Variants in ESR1 observed in about 807,000 individuals in gnomAD.
The protein encoded by ESR1 is estrogen receptor.
Under a neutral mutation model 52.7 loss-of-function variants are expected in ESR1, and 12 were observed. The ratio of observed to expected loss-of-function variants is 0.23; its 90% CI spans 0.15 to 0.37. The LOEUF is 0.37. Ranked by LOEUF, ESR1 falls within the 10% of genes least tolerant of loss-of-function variation. The probability of loss-of-function intolerance (pLI) is 1.00; values close to 1 mark genes in which losing one functional copy is unlikely to be tolerated. For synonymous variants in ESR1, 305 were observed against 316.8 expected (o/e 0.96, Z 0.39); for missense variants, 584 against 779.7 (o/e 0.75, Z 2.99).
intron 2 of ESR1, among the ~76,000 whole-genome samples, chr6:151,721,929 T>G (rs1781489894): frequency 6.6e-6 from 1 of 152,220 alleles, no homozygotes; most frequent in African/African-American, 2.4e-5. Flanking sequence ...ATGTTTCATT[T>G]TATTTGAAGC....
chr6:152,111,434 T>C (rs899197916), intron 6 of ESR1, among the ~76,000 whole-genome samples: 1 of 152,180 alleles, frequency 6.6e-6, no homozygotes, highest in African/African-American at 2.4e-5. Flanking sequence ...TCCGAGCGAC[T>C]TCCCAGATTC....
At chr6:152,049,364 T>C (rs547152295) in intron 5 of ESR1, among the ~76,000 whole-genome samples, 3 of 152,332 alleles carry the variant, frequency 2.0e-5, no homozygotes, top group Middle Eastern at 6.8e-3. Flanking sequence ...TTAAGAACTC[T>C]TCTGGCTATC....
At chr6:151,802,036 C>A (rs1314973995), upstream of ESR1, among the ~76,000 whole-genome samples, 1 of 152,158 alleles carries the variant, frequency 6.6e-6, no homozygotes, top group African/African-American at 2.4e-5. Context: ...AGGGAAATTT[C>A]TGGGGTGATG....
chr6:151,854,066 G>C (rs1787380837), intron 2 of ESR1, among the ~76,000 whole-genome samples: 2 of 152,148 alleles, frequency 1.3e-5, no homozygotes, highest in Admixed American at 6.6e-5. Flanking sequence ...ACTGTTGTCA[G>C]TAGCTTTATA....
chr6:151,897,460 G>A (rs1394184079), intron 3 of ESR1, among the ~76,000 whole-genome samples: 1 of 152,096 alleles, frequency 6.6e-6, no homozygotes, highest in Non-Finnish European at 1.5e-5. Flanking sequence ...TTTAACTGCT[G>A]TTGTTTTAAA....
intron 1 of ESR1, among the ~76,000 whole-genome samples, chr6:151,816,597 T>C (rs1279849599): frequency 1.3e-5 from 2 of 152,234 alleles, no homozygotes; most frequent in Non-Finnish European, 2.9e-5. Flanking sequence ...TATATTTGTT[T>C]ATTTTGCCTT....
intron 6 of ESR1, among the ~76,000 whole-genome samples, chr6:152,069,514 G>A (rs2048216837): frequency 7.3e-6 from 1 of 136,632 alleles, no homozygotes; most frequent in Non-Finnish European, 1.5e-5. Context: ...AGCTATTGCA[G>A]CGGTCCCCAA....
chr6:152,126,587 C>CA (rs1211232073), exon 7 of ESR1: 5 of 152,048 alleles, frequency 3.3e-5, no homozygotes, highest in Admixed American at 1.3e-4. Flanking sequence ...TTCTGTCCAG[C>CA]AAAAAACGTG....
Position 151,942,883 on chromosome 6 carries a change from A to G in ESR1, c.761-1290A>G, listed in dbSNP as rs141676417. ...ATGCTGTCTGATAAATATTGGAGAG[A>G]TTAACTTCTTTGAAAATATAGAAGC... On this transcript the variant is annotated intron_variant, in intron 3 of 7. Coordinates refer to ENST00000206249, the MANE Select transcript of ESR1 (RefSeq NM_000125.4). 3.3e-3 allele frequency among the ~76,000 whole-genome samples: 508 copies of G among 152,286 alleles called. 2 individuals carry two copies. The highest frequency in any genetic ancestry group is 0.012 in the African/African-American group (486 of 41,566).
At chr6:152,123,648 T>G (rs2813560) in intron 6 of ESR1, among the ~76,000 whole-genome samples, 30,723 of 152,110 alleles carry the variant, frequency 0.2, 3,119 homozygotes, top group Non-Finnish European at 0.21. Context: ...AAATGTTGTT[T>G]ACGACAGGCA....
At chr6:151,716,822 C>T (rs892418995) in intron 2 of ESR1, among the ~76,000 whole-genome samples, 4 of 152,158 alleles carry the variant, frequency 2.6e-5, no homozygotes, top group Admixed American at 2.0e-4. Flanking sequence ...CTTCAGCCCC[C>T]TTTTCTGGGG....
intron 2 of ESR1, among the ~76,000 whole-genome samples, chr6:151,767,030 T>C (rs1583193289): frequency 6.6e-6 from 1 of 152,284 alleles, no homozygotes; most frequent in African/African-American, 2.4e-5. Context: ...GAAATGAAAA[T>C]ATGGTTTCAG....
rs2046867787 is a variant in ESR1 at position 152,053,638 on chromosome 6, C to A, written c.1236-7353C>A. On this transcript the variant is annotated intron_variant, in intron 5 of 7. Transcript: ENST00000206249. The surrounding 1 kb of genome is among the most constrained non-coding windows in gnomAD (Gnocchi z 4.1). ...TCTCTTTCTCTCTCCTTCTTTCTGT[C>A]TCTGTCTCTGTCTGCCTCTCTCTCT... Among the ~76,000 whole-genome samples the A allele has an allele frequency of 6.9e-6, 1 of 144,464 alleles. No individual in the cohort carries two copies. Among genetic ancestry groups the A allele is most frequent in the Non-Finnish European group, 1.5e-5 (1 of 67,484 alleles). The allele number at this position is 144,464 out of a possible 152,430, so 94.8% of individuals were successfully genotyped here.
At chr6:152,064,431 G>A (rs559306754) in intron 6 of ESR1, among the ~76,000 whole-genome samples, 10 of 152,228 alleles carry the variant, frequency 6.6e-5, no homozygotes, top group East Asian at 3.9e-4. Context: ...CACCTTATTC[G>A]GGAAGTTTTG....
chr6:152,055,334 C>T (rs541657466), intron 5 of ESR1, among the ~76,000 whole-genome samples: 1 of 152,248 alleles, frequency 6.6e-6, no homozygotes, highest in East Asian at 1.9e-4. Context: ...TCCTCATGTC[C>T]TCGCCGACAA....
intron 1 of ESR1, among the ~76,000 whole-genome samples, chr6:151,672,669 C>T (rs1407324848): frequency 1.3e-5 from 2 of 151,760 alleles, no homozygotes; most frequent in Non-Finnish European, 2.9e-5. Context: ...GACGAGGTTT[C>T]ACCATGTTGG....
intron 2 of ESR1, among the ~76,000 whole-genome samples, chr6:151,768,704 T>A (rs929023034): frequency 6.6e-6 from 1 of 152,186 alleles, no homozygotes; most frequent in African/African-American, 2.4e-5. Flanking sequence ...GATGACAGGA[T>A]AATAAAGCAA....
chr6:151,892,204 A>G (rs1310770328), intron 3 of ESR1, among the ~76,000 whole-genome samples: 1 of 152,198 alleles, frequency 6.6e-6, no homozygotes, highest in Non-Finnish European at 1.5e-5. Flanking sequence ...CAGCTGAAGT[A>G]TGTTTCAAAT....
chr6:151,791,723 G>T (rs1583302501), intron 2 of ESR1, among the ~76,000 whole-genome samples: 1 of 152,096 alleles, frequency 6.6e-6, no homozygotes, highest in Non-Finnish European at 1.5e-5. Flanking sequence ...GTAATCCAGT[G>T]AGCACCTGTG....
Sources: allele counts gnomAD v4.1 joint callset (sites outside exome capture counted in the v4.1 genomes callset), GRCh38; gene constraint gnomAD v4.1.1; non-coding constraint Gnocchi (gnomAD v3.1); transcripts MANE v1.5; gene names NCBI Gene and HGNC (gene_info 2026-07-23, HGNC 2026-07-21).